MAST2: variants seen among roughly 807,000 people sequenced by gnomAD.
The protein encoded by MAST2 is microtubule associated serine/threonine kinase 2.
A neutral mutation model predicts 147.4 loss-of-function variants in MAST2; 70 were observed. That is an observed-to-expected ratio of 0.47 (90% CI 0.39 to 0.58). The LOEUF is 0.58. Ranked by LOEUF, MAST2 falls within the 20% of genes least tolerant of loss-of-function variation. MAST2 has a pLI of 0.00. For missense variants in MAST2, 2,080 were observed against 2,302.3 expected, an observed-to-expected ratio of 0.90 and a Z score of 1.98; for synonymous variants, 869 against 896.8, an observed-to-expected ratio of 0.97 and a Z score of 0.55.
At chr1:45,944,358 T>A (rs540035938) in intron 4 of MAST2, among the ~76,000 whole-genome samples, 143 of 152,338 alleles carry the variant, frequency 9.4e-4, no homozygotes, top group African/African-American at 3.2e-3. Flanking sequence ...ATTCCTACCA[T>A]CCTTGATTTT....
At chr1:45,897,762 T>C (rs1648988469) in intron 4 of MAST2, among the ~76,000 whole-genome samples, 1 of 151,350 alleles carries the variant, frequency 6.6e-6, no homozygotes. Flanking sequence ...TGAGCCATAA[T>C]CACGCCGCTG....
At chr1:45,920,840 A>G (rs1653340752) in intron 4 of MAST2, among the ~76,000 whole-genome samples, 1 of 152,234 alleles carries the variant, frequency 6.6e-6, no homozygotes, top group Admixed American at 6.5e-5. Context: ...GGTGGGTGAC[A>G]CATGTTCATT....
chr1:46,015,696 C>G (rs1209387006), intron 10 of MAST2, among the ~76,000 whole-genome samples: 3 of 152,084 alleles, frequency 2.0e-5, no homozygotes, highest in Non-Finnish European at 4.4e-5. Context: ...GCTTACCAAC[C>G]AAAAAGAGTC....
intron 4 of MAST2, among the ~76,000 whole-genome samples, chr1:45,953,706 C>G (rs1659259878): frequency 6.6e-6 from 1 of 152,092 alleles, no homozygotes; most frequent in Non-Finnish European, 1.5e-5. Context: ...AAATTAGCAG[C>G]CTGTGGAAGG....
rs1291489456 is a variant in MAST2 at position 45,911,851 on chromosome 1, TTATA to T, written c.500+29458_500+29461del. Among the ~76,000 whole-genome samples, 414 of 132,028 alleles carry T rather than the reference TTATA, an allele frequency of 3.1e-3. 2 individuals are homozygous for T. The highest frequency in any genetic ancestry group is 0.012 in the African/African-American group (389 of 33,070). 86.6% of individuals were successfully genotyped at this position (132,028 alleles called of 152,430 possible). A position where few individuals can be genotyped will look rare whatever the true frequency, so the allele number is the denominator to read the frequency against. On this transcript the variant is annotated intron_variant, in intron 4 of 28. Coordinates refer to ENST00000361297, the MANE Select transcript of MAST2 (RefSeq NM_015112.3). ...TGCTGTTATGTCATTATTATTATTG[TTATA>T]TTATTATTATTATTATTATTATTAT...
At chr1:45,999,059 A>G (rs1645171677) in intron 6 of MAST2, among the ~76,000 whole-genome samples, 1 of 152,170 alleles carries the variant, frequency 6.6e-6, no homozygotes, top group Admixed American at 6.5e-5. Context: ...AAAAAAAGAC[A>G]TATTAGGAAA....
chr1:45,855,663 A>G (rs976601600), intron 3 of MAST2, among the ~76,000 whole-genome samples: 3 of 152,106 alleles, frequency 2.0e-5, no homozygotes, highest in African/African-American at 4.8e-5. Context: ...GTTTGTTGCT[A>G]CTAGTATATA....
rs572954072 is a variant in MAST2 at position 45,945,516 on chromosome 1, A to G, written c.501-13870A>G. ...CCTCGTAGAAACTAACTGTGTTCTA[A>G]TCTTTTCTGCTATGGAAATTTGGGC... On this transcript the variant is annotated intron_variant, in intron 4 of 28. Transcript: ENST00000361297. 1.1e-4 allele frequency among the ~76,000 whole-genome samples: 17 copies of G among 152,298 alleles called. No homozygotes were observed. In the South Asian group the frequency reaches 3.3e-3, roughly 30 times the overall value.
chr1:45,858,806 G>T (rs1256444928), intron 3 of MAST2, among the ~76,000 whole-genome samples: 2 of 151,720 alleles, frequency 1.3e-5, no homozygotes, highest in Admixed American at 1.3e-4. Context: ...TGTAAGGAAG[G>T]GATCCAGTTT....
chr1:45,930,395 T>TGTTTTGTTTC (rs1394074103), intron 4 of MAST2, among the ~76,000 whole-genome samples: 1 of 140,938 alleles, frequency 7.1e-6, no homozygotes, highest in Non-Finnish European at 1.6e-5. Flanking sequence ...TTGTTTTTTT[T>TGTTTTGTTTC]GTTTTGTTTT....
At position 46,019,588 on chromosome 1, in the gene MAST2, C is replaced by G. The variant is rs1206456671; in HGVS notation, c.1189-8C>G. 2 of 1,612,154 alleles carry G rather than the reference C, an allele frequency of 1.2e-6. No individual in the cohort carries two copies. Among genetic ancestry groups the G allele is most frequent in the South Asian group, 2.2e-5 (2 of 91,034 alleles). ...CAATAGATTAAGCAACGCTTCTTTT[C>G]TCTATAGGCTCATGAGCGCTCAGAG... On this transcript the variant is annotated splice_region_variant and splice_polypyrimidine_tract_variant and intron_variant, in intron 10 of 28. Transcript: ENST00000361297.
At chr1:45,829,791 T>C (rs916815895) in intron 3 of MAST2, among the ~76,000 whole-genome samples, 6 of 151,978 alleles carry the variant, frequency 3.9e-5, no homozygotes, top group Admixed American at 6.6e-5. Context: ...GGCTGTAGTA[T>C]TCCTATTGCC....
Position 46,034,245 on chromosome 1 carries a change from A to G in MAST2, c.3847A>G (p.Thr1283Ala). The G allele has an allele frequency of 6.2e-7, 1 of 1,613,450 alleles. No homozygotes were observed. The highest frequency in any genetic ancestry group is 1.1e-5 in the South Asian group (1 of 91,010). ...PRSPTQGYRVTPDAVHSVGGN... is the reference protein window; with the variant it reads ...PRSPTQGYRVAPDAVHSVGGN... Reference sequence around the variant, plus strand: ...ATCTCCCACTCAAGGCTACCGGGTGACCCCCGATGCTGTGCATTCAGGTAC... The same window carrying G: ...ATCTCCCACTCAAGGCTACCGGGTGGCCCCCGATGCTGTGCATTCAGGTAC... Residue 1283 changes from threonine to alanine, a missense_variant, in exon 28 of 29, where the codon ACC (threonine) becomes GCC (alanine). Around this residue, in one of 4 missense-constraint regions of MAST2, gnomAD observed 1,278 missense variants for 1,304.2 expected, o/e 0.98. Coordinates refer to ENST00000361297, the MANE Select transcript of MAST2 (RefSeq NM_015112.3).
intron 3 of MAST2, among the ~76,000 whole-genome samples, chr1:45,874,213 A>G (rs1439287929): frequency 6.6e-6 from 1 of 152,170 alleles, no homozygotes; most frequent in Non-Finnish European, 1.5e-5. Flanking sequence ...ACACAGTTAC[A>G]TGTTTTTGAG....
chr1:46,029,038 C>T, intron 18 of MAST2, 105 bp downstream of exon 18: 1 of 1,279,494 alleles, frequency 7.8e-7, no homozygotes, highest in South Asian at 1.5e-5. Flanking sequence ...CTGAACTCAT[C>T]ATGTGTGTTT....
In MAST2 at chr1:46,031,154, G is replaced by C; in HGVS notation, c.2856G>C (p.Arg952Ser). The change falls in exon 23 of 29, where the codon AGG becomes AGC. Residue 952 changes from arginine to serine, a missense_variant. Transcript: ENST00000361297. This position sits in a 1 kb window ranked among gnomAD's most constrained non-coding sequence, Gnocchi z 4.1. ...AGGAGGCCAGCAGCACCCTCAGGAG[G>C]CAACCACAGGAGGGTATATGGGTCC... is the stretch of plus-strand genomic sequence containing the variant. ...GPEEASSTLR[R>S]QPQEGIWVLT... 1 of 1,607,108 alleles carries C rather than the reference G, an allele frequency of 6.2e-7. No individual in the cohort carries two copies. The highest frequency in any genetic ancestry group is 8.5e-7 in the Non-Finnish European group (1 of 1,175,242).
rs574547578 is a variant in MAST2, at chr1:45,893,068, A to G, written c.500+10673A>G. ...ATTCAATGGGTCTGGAATAAGTCCT[A>G]TACATCTATATTTTTATAAAACTCC... On this transcript the variant is annotated intron_variant, in intron 4 of 28. Coordinates refer to ENST00000361297, the MANE Select transcript of MAST2 (RefSeq NM_015112.3). Among the ~76,000 whole-genome samples the G allele has an allele frequency of 2.8e-4, 43 of 152,280 alleles. No homozygotes were observed. The South Asian group carries it at 5.2e-3, about 18-fold the overall frequency.
chr1:45,921,585 G>A (rs1653496104), intron 4 of MAST2, among the ~76,000 whole-genome samples: 1 of 152,204 alleles, frequency 6.6e-6, no homozygotes, highest in South Asian at 2.1e-4. Flanking sequence ...CTAGCTCCAA[G>A]GGCTGGCATG....
intron 5 of MAST2, among the ~76,000 whole-genome samples, chr1:45,995,860 A>G (rs1423342182): frequency 6.6e-6 from 1 of 152,178 alleles, no homozygotes; most frequent in Non-Finnish European, 1.5e-5. Flanking sequence ...GCTGGGTACC[A>G]TTGCCATGGG....
Sources: gnomAD v4.1 joint callset for allele counts (sites outside exome capture counted in the v4.1 genomes callset) on GRCh38, gnomAD v4.1.1 for gene constraint, gnomAD v4.1.1 regional missense constraint, Gnocchi (gnomAD v3.1) non-coding constraint, MANE v1.5 for transcripts, NCBI Gene and HGNC (gene_info 2026-07-23, HGNC 2026-07-21) for gene names.